The following SLC25A24 variants were observed in gnomAD, a reference collection of about 807,000 sequenced individuals.
SLC25A24 encodes solute carrier family 25 member 24.
Under a neutral mutation model 60.7 loss-of-function variants are expected in SLC25A24, and 49 were observed. That is an observed-to-expected ratio of 0.81 (90% CI 0.64 to 1.02). SLC25A24 has a LOEUF of 1.02. SLC25A24 is among the 50% of genes least tolerant of loss of function. The pLI is 0.00. For missense variants in SLC25A24, 564 were observed against 586.3 expected, an observed-to-expected ratio of 0.96 and a Z score of 0.39; for synonymous variants, 202 against 200.6, an observed-to-expected ratio of 1.01 and a Z score of -0.06.
chr1:108,186,259 C>T (rs1273499488), intron 1 of SLC25A24, among the ~76,000 whole-genome samples: 10 of 152,124 alleles, frequency 6.6e-5, no homozygotes, highest in Non-Finnish European at 4.4e-5. Flanking sequence ...TTATAAACCC[C>T]AAGATAGAAG....
chr1:108,169,431 C>G (rs545520497), intron 3 of SLC25A24, among the ~76,000 whole-genome samples: 1 of 152,044 alleles, frequency 6.6e-6, no homozygotes, highest in Non-Finnish European at 1.5e-5. Context: ...TTCTTTAAAG[C>G]CTTCTAACAA....
intron 3 of SLC25A24, among the ~76,000 whole-genome samples, chr1:108,161,538 C>T (rs1680085239): frequency 6.6e-6 from 1 of 152,168 alleles, no homozygotes; most frequent in Admixed American, 6.5e-5. Flanking sequence ...AGAATACTTT[C>T]AGCACTCTGT....
intron 8 of SLC25A24, among the ~76,000 whole-genome samples, chr1:108,142,978 C>A (rs187602829): frequency 6.6e-6 from 1 of 152,256 alleles, no homozygotes; most frequent in Admixed American, 6.5e-5. Flanking sequence ...TCATGTCTGT[C>A]GCAGCACAGA....
At chr1:108,169,896 A>T (rs2101627521) in intron 3 of SLC25A24, among the ~76,000 whole-genome samples, 1 of 152,256 alleles carries the variant, frequency 6.6e-6, no homozygotes, top group South Asian at 2.1e-4. Context: ...GTGCCTATTT[A>T]TAACTGAACA....
intron 8 of SLC25A24, among the ~76,000 whole-genome samples, chr1:108,139,657 C>T (rs950451869): frequency 2.6e-5 from 4 of 152,066 alleles, no homozygotes; most frequent in Admixed American, 6.6e-5. Context: ...GATGGAGTCT[C>T]GCTCTTGTCA....
intron 3 of SLC25A24, among the ~76,000 whole-genome samples, chr1:108,168,542 CT>C (rs1396589936): frequency 6.6e-6 from 1 of 152,160 alleles, no homozygotes; most frequent in Non-Finnish European, 1.5e-5. Context: ...TATTGACAAA[CT>C]TCCTAGATAA....
intron 3 of SLC25A24, 64 bp from the exon 4 acceptor site, chr1:108,161,357 G>A (rs1680078568): frequency 2.4e-6 from 2 of 830,658 alleles, no homozygotes; most frequent in South Asian, 3.0e-5. Context: ...AACATTATTG[G>A]CCACTTTACA....
At chr1:108,188,617 C>G (rs1571309610) in intron 1 of SLC25A24, among the ~76,000 whole-genome samples, 1 of 152,088 alleles carries the variant, frequency 6.6e-6, no homozygotes, top group Non-Finnish European at 1.5e-5. Context: ...GCTTGCTGCC[C>G]GATGAACTAG....
At chr1:108,137,085 C>T (rs1403342959) in intron 9 of SLC25A24, among the ~76,000 whole-genome samples, 1 of 152,024 alleles carries the variant, frequency 6.6e-6, no homozygotes, top group Non-Finnish European at 1.5e-5. Flanking sequence ...GGGTTAATTA[C>T]CTTCCATACC....
intron 3 of SLC25A24, among the ~76,000 whole-genome samples, chr1:108,163,729 G>C (rs953342463): frequency 4.6e-5 from 7 of 151,444 alleles, no homozygotes; most frequent in African/African-American, 1.5e-4. Context: ...CAATCATGTC[G>C]TCTGCAAACA....
At chr1:108,165,615 C>T (rs1202268783) in intron 3 of SLC25A24, among the ~76,000 whole-genome samples, 1 of 152,048 alleles carries the variant, frequency 6.6e-6, no homozygotes, top group African/African-American at 2.4e-5. Flanking sequence ...AGGATTGCAA[C>T]CCCTGTCTTT....
At chr1:108,169,470 T>C (rs1018083925) in intron 3 of SLC25A24, among the ~76,000 whole-genome samples, 1 of 152,192 alleles carries the variant, frequency 6.6e-6, no homozygotes, top group African/African-American at 2.4e-5. Flanking sequence ...TATGAATGCA[T>C]TGATTGTGGT....
chr1:108,176,580 T>A (rs528701926), intron 3 of SLC25A24, among the ~76,000 whole-genome samples: 1 of 152,044 alleles, frequency 6.6e-6, no homozygotes, highest in East Asian at 1.9e-4. Flanking sequence ...CATATTACAA[T>A]CAAACTATCA....
chr1:108,150,616 T>C (rs1029004941), intron 6 of SLC25A24, among the ~76,000 whole-genome samples: 14 of 152,166 alleles, frequency 9.2e-5, no homozygotes, highest in African/African-American at 3.4e-4. Context: ...AGGCAGAATA[T>C]CTTGGTATTC....
intron 1 of SLC25A24, chr1:108,199,211 G>A (rs185728394): frequency 6.6e-6 from 1 of 152,212 alleles, no homozygotes; most frequent in East Asian, 1.9e-4. Context: ...GGCCCTCATA[G>A]TAACCTAATC....
At position 108,139,040 on chromosome 1, in the gene SLC25A24, C is replaced by T. The variant is rs1361670035; in HGVS notation, c.1249+18G>A. 1.3e-6 allele frequency: 2 copies of T among 1,558,480 alleles called. No homozygotes were observed. The highest frequency in any genetic ancestry group is 3.4e-4 in the Middle Eastern group (2 of 5,860). ...GTGCAGCACTTTTATCGGTGTGGTTCTGTAATCAAAAATTCACCTTGAGCC... is the reference window on the plus strand; with the variant it reads ...GTGCAGCACTTTTATCGGTGTGGTTTTGTAATCAAAAATTCACCTTGAGCC... On this transcript the variant is annotated intron_variant, in intron 9 of 9. Transcript: ENST00000565488.
chr1:108,200,237 C>A lies in SLC25A24; in HGVS notation c.-99G>T, dbSNP rs1571315490. The A allele has an allele frequency of 1.6e-6, 2 of 1,233,856 alleles. No homozygotes were observed. The highest frequency in any genetic ancestry group is 1.6e-5 in the African/African-American group (1 of 62,342). 76.4% of individuals were successfully genotyped at this position (1,233,856 alleles called of 1,614,324 possible). A position where few individuals can be genotyped will look rare whatever the true frequency, so the allele number is the denominator to read the frequency against. ...GCGCGAGGCCGGGCTGGGCGGGGCG[C>A]GCGGCGCAACAGCGTTTGGGGCGCC... On this transcript the variant is annotated 5_prime_UTR_variant, in exon 1 of 10. Coordinates refer to ENST00000565488, the MANE Select transcript of SLC25A24 (RefSeq NM_013386.5).
chr1:108,140,970 T>C (rs1679428563), intron 8 of SLC25A24, among the ~76,000 whole-genome samples: 2 of 152,114 alleles, frequency 1.3e-5, no homozygotes, highest in South Asian at 4.1e-4. Flanking sequence ...TGTAAATGGA[T>C]TAAATCCCCT....
chr1:108,173,882 A>T (rs938636699), intron 3 of SLC25A24, among the ~76,000 whole-genome samples: 2 of 152,154 alleles, frequency 1.3e-5, no homozygotes, highest in African/African-American at 4.8e-5. Flanking sequence ...TAGCAAAGAG[A>T]CTGGTGGCTT....
Sources: gnomAD v4.1 joint callset for allele counts (sites outside exome capture counted in the v4.1 genomes callset) on GRCh38, gnomAD v4.1.1 for gene constraint, MANE v1.5 for transcripts, NCBI Gene and HGNC (gene_info 2026-07-23, HGNC 2026-07-21) for gene names.